The following CSMD1 variants were observed in gnomAD, a reference collection of about 807,000 sequenced individuals.
CSMD1 encodes CUB and sushi domain-containing protein 1.
In CSMD1, 213 loss-of-function variants were observed where a neutral mutation model predicts 417.5. The ratio of observed to expected loss-of-function variants is 0.51; its 90% CI spans 0.46 to 0.57. The LOEUF (loss-of-function observed/expected upper bound fraction) is 0.57. Ranked by LOEUF, CSMD1 falls within the 20% of genes least tolerant of loss-of-function variation. The probability of loss-of-function intolerance (pLI) is 0.00; values close to 1 mark genes in which losing one functional copy is unlikely to be tolerated. For missense variants in CSMD1, 6,923 were observed against 4,529.7 expected, an observed-to-expected ratio of 1.53 and a Z score of -15.17; for synonymous variants, 2,862 against 1,736.8, an observed-to-expected ratio of 1.65 and a Z score of -16.11.
intron 7 of CSMD1, among the ~76,000 whole-genome samples, chr8:3,643,999 T>C (rs1797447360): frequency 6.6e-6 from 1 of 152,230 alleles, no homozygotes; most frequent in African/African-American, 2.4e-5. Flanking sequence ...AATTCATCGC[T>C]GTTGTTTCAA....
At chr8:4,388,782 G>C (rs1803644491) in intron 3 of CSMD1, among the ~76,000 whole-genome samples, 1 of 152,198 alleles carries the variant, frequency 6.6e-6, no homozygotes, top group South Asian at 2.1e-4. Context: ...TGTGTATTCA[G>C]TCCTTGATCC....
intron 1 of CSMD1, among the ~76,000 whole-genome samples, chr8:4,836,777 C>T (rs1048241874): frequency 4.6e-5 from 7 of 152,036 alleles, no homozygotes; most frequent in Non-Finnish European, 1.0e-4. Context: ...AGTCTTGACT[C>T]CTGTGTGGAC....
At chr8:4,108,120 G>A (rs1274845957) in intron 3 of CSMD1, among the ~76,000 whole-genome samples, 2 of 151,922 alleles carry the variant, frequency 1.3e-5, no homozygotes, top group East Asian at 1.9e-4. Context: ...AGGAGGAGGA[G>A]GAGGAGGGTA....
In CSMD1 at chr8:4,033,415, G is replaced by C. The variant is rs534719827; in HGVS notation, c.416-1316C>G. On this transcript the variant is annotated intron_variant, in intron 3 of 69. Coordinates refer to ENST00000635120, the MANE Select transcript of CSMD1 (RefSeq NM_033225.6). ...CGAGATCGCACCACTGCACTCCAGCGTGGGTGACAGAGCGAGACTCCGCCT... is the reference window on the plus strand; with the variant it reads ...CGAGATCGCACCACTGCACTCCAGCCTGGGTGACAGAGCGAGACTCCGCCT... Among the ~76,000 whole-genome samples, 130 of 152,172 alleles carry C rather than the reference G, an allele frequency of 8.5e-4. 3 individuals carry two copies. The South Asian group carries it at 0.019, about 23-fold the overall frequency.
At chr8:4,389,351 A>G (rs758189021) in intron 3 of CSMD1, among the ~76,000 whole-genome samples, 1 of 152,194 alleles carries the variant, frequency 6.6e-6, no homozygotes, top group Non-Finnish European at 1.5e-5. Context: ...TAAAGAGCTG[A>G]TATGTGGAGG....
At chr8:4,988,017 G>A (rs968302194) in intron 1 of CSMD1, among the ~76,000 whole-genome samples, 2 of 152,100 alleles carry the variant, frequency 1.3e-5, no homozygotes, top group African/African-American at 4.8e-5. Context: ...GTGCTCCTGT[G>A]AGTCAGTACT....
chr8:4,932,745 A>G (rs1273663458), intron 1 of CSMD1, among the ~76,000 whole-genome samples: 1 of 152,236 alleles, frequency 6.6e-6, no homozygotes, highest in Non-Finnish European at 1.5e-5. Context: ...TACGATCCTT[A>G]AAATAATCCA....
chr8:4,559,876 G>T (rs1186419251), intron 2 of CSMD1, among the ~76,000 whole-genome samples: 1 of 152,176 alleles, frequency 6.6e-6, no homozygotes, highest in South Asian at 2.1e-4. Flanking sequence ...CCAGGAAAAC[G>T]TTCTAGAGCC....
intron 4 of CSMD1, among the ~76,000 whole-genome samples, chr8:4,023,295 T>A (rs75117378): frequency 6.6e-6 from 1 of 152,208 alleles, no homozygotes; most frequent in African/African-American, 2.4e-5. Flanking sequence ...GAGACTCATT[T>A]TGAATTTAAC....
intron 3 of CSMD1, among the ~76,000 whole-genome samples, chr8:4,309,969 G>C (rs1190639781): frequency 2.0e-5 from 3 of 152,212 alleles, no homozygotes; most frequent in South Asian, 2.1e-4. Context: ...TTTTTACATA[G>C]TGCTTTATTT....
chr8:3,772,050 A>G (rs991655472), intron 5 of CSMD1, among the ~76,000 whole-genome samples: 2 of 151,684 alleles, frequency 1.3e-5, no homozygotes, highest in Non-Finnish European at 2.9e-5. Flanking sequence ...TAGTGCGAGC[A>G]TCTGAGTCTG....
At chr8:4,821,936 A>C (rs919941370) in intron 1 of CSMD1, among the ~76,000 whole-genome samples, 1 of 152,030 alleles carries the variant, frequency 6.6e-6, no homozygotes, top group African/African-American at 2.4e-5. Context: ...GGTATTTTTA[A>C]ATAATCTAAT....
At chr8:3,220,168 C>T (rs902211876) in intron 28 of CSMD1, among the ~76,000 whole-genome samples, 2 of 122,310 alleles carry the variant, frequency 1.6e-5, no homozygotes, top group Non-Finnish European at 3.5e-5. Context: ...AAAAAAGACT[C>T]CACTTGCGTG....
chr8:4,918,247 C>G (rs1008020258), intron 1 of CSMD1, among the ~76,000 whole-genome samples: 2 of 152,206 alleles, frequency 1.3e-5, no homozygotes, highest in African/African-American at 2.4e-5. Flanking sequence ...AAGGCCCCCT[C>G]CATGTGCGAA....
rs115165819 is a variant in CSMD1, at chr8:4,828,001, G to A, written c.85+166331C>T. On this transcript the variant is annotated intron_variant, in intron 1 of 69. Coordinates refer to ENST00000635120, the MANE Select transcript of CSMD1 (RefSeq NM_033225.6). ...ACCATCACATAATAAACTTTATAAT[G>A]CAAAATGCATGTTATATATTTAAGC... 2.0e-3 allele frequency among the ~76,000 whole-genome samples: 300 copies of A among 152,206 alleles called. 2 individuals carry two copies. The highest frequency in any genetic ancestry group is 6.9e-3 in the African/African-American group (288 of 41,538).
rs114849237 is a variant in CSMD1, at chr8:3,394,751, C to T, written c.2593+1443G>A. Among the ~76,000 whole-genome samples the T allele has an allele frequency of 5.7e-3, 861 of 152,142 alleles. 7 individuals are homozygous for T. The highest frequency in any genetic ancestry group is 0.019 in the African/African-American group (806 of 41,512). ...AAAGAGAAGTGACAACTCGAATGGA[C>T]ATTTTAAAGAAACAAAATGTAAAAT... On this transcript the variant is annotated intron_variant, in intron 17 of 69. Transcript: ENST00000635120.
chr8:3,450,312 AT>A (rs74808597), intron 12 of CSMD1, among the ~76,000 whole-genome samples: 31,639 of 146,714 alleles, frequency 0.22, 4,506 homozygotes, highest in East Asian at 0.55. Flanking sequence ...AGCCTCTCCT[AT>A]TTTTTTTTTT....
intron 3 of CSMD1, among the ~76,000 whole-genome samples, chr8:4,199,634 T>G (rs1259747715): frequency 1.3e-5 from 2 of 152,156 alleles, no homozygotes; most frequent in Non-Finnish European, 2.9e-5. Flanking sequence ...TTTGCATAAA[T>G]AAAGACTTCA....
chr8:4,943,905 C>T (rs1018510497), intron 1 of CSMD1, among the ~76,000 whole-genome samples: 1 of 152,046 alleles, frequency 6.6e-6, no homozygotes, highest in Non-Finnish European at 1.5e-5. Flanking sequence ...CGCAGAATTG[C>T]GGTGATGGAG....
Sources: gnomAD v4.1 joint callset for allele counts (sites outside exome capture counted in the v4.1 genomes callset) on GRCh38, gnomAD v4.1.1 for gene constraint, MANE v1.5 for transcripts, NCBI Gene and HGNC (gene_info 2026-07-23, HGNC 2026-07-21) for gene names.